R3HDM2: variants seen among roughly 807,000 people sequenced by gnomAD.
R3HDM2 encodes the protein R3H domain-containing protein 2.
Under a neutral mutation model 124.5 loss-of-function variants are expected in R3HDM2, and 38 were observed. The ratio of observed to expected loss-of-function variants is 0.31; its 90% CI spans 0.24 to 0.40. The LOEUF (loss-of-function observed/expected upper bound fraction) is 0.40, where lower values mean the gene tolerates loss of function less well. Ranked by LOEUF, R3HDM2 falls within the 10% of genes least tolerant of loss-of-function variation. The pLI is 1.00. For synonymous variants in R3HDM2, 391 were observed against 448.0 expected (o/e 0.87, Z 1.61); for missense variants, 869 against 1,236.9 (o/e 0.70, Z 4.46).
intron 15 of R3HDM2, 67 bp downstream of exon 15, chr12:57,269,685 A>G (rs1592507427): frequency 6.3e-7 from 1 of 1,599,098 alleles, no homozygotes; most frequent in Non-Finnish European, 8.5e-7. Flanking sequence ...AAACTGGAGG[A>G]ATAAAGAAAG....
rs566999872 is a variant in R3HDM2 at position 57,360,032 on chromosome 12, T to C, written c.-36+35717A>G. ...ATATATATATATATATACACACATA[T>C]ATATATATATATATATTTTTTTTTT... is the stretch of plus-strand genomic sequence containing the variant. On this transcript the variant is annotated intron_variant, in intron 2 of 23. Transcript: ENST00000402412. Among the ~76,000 whole-genome samples the C allele has an allele frequency of 2.6e-3, 186 of 72,900 alleles. 1 individual carries two copies. Among genetic ancestry groups the C allele is most frequent in the Middle Eastern group, 9.5e-3 (2 of 210 alleles). 47.8% of individuals were successfully genotyped at this position (72,900 alleles called of 152,430 possible).
At chr12:57,354,637 G>C (rs546562466) in intron 2 of R3HDM2, among the ~76,000 whole-genome samples, 33 of 151,978 alleles carry the variant, frequency 2.2e-4, no homozygotes, top group African/African-American at 7.7e-4. Context: ...TTCATGTGCT[G>C]ATTTTTCAAC....
At chr12:57,282,358 A>G (rs1282784107) in intron 13 of R3HDM2, among the ~76,000 whole-genome samples, 1 of 152,058 alleles carries the variant, frequency 6.6e-6, no homozygotes. Context: ...TGGAAATTAG[A>G]CAGCAATGGC....
intron 1 of R3HDM2, among the ~76,000 whole-genome samples, chr12:57,409,463 ATAAAG>A (rs1168827936): frequency 6.6e-6 from 1 of 151,472 alleles, no homozygotes; most frequent in Non-Finnish European, 1.5e-5. Context: ...TAACTAACTG[ATAAAG>A]TAGAGTGAAG....
intron 14 of R3HDM2, among the ~76,000 whole-genome samples, chr12:57,274,077 C>T (rs1381541943): frequency 2.6e-5 from 4 of 152,176 alleles, no homozygotes; most frequent in African/African-American, 9.7e-5. Flanking sequence ...GCTGCTTATA[C>T]TGGTGGCTTT....
intron 19 of R3HDM2, among the ~76,000 whole-genome samples, chr12:57,265,563 AAAAC>A (rs1229263725): frequency 6.6e-6 from 1 of 152,192 alleles, no homozygotes; most frequent in Non-Finnish European, 1.5e-5. Flanking sequence ...AGAAAAAAGA[AAAAC>A]AAAGAAAACT....
intron 12 of R3HDM2, among the ~76,000 whole-genome samples, chr12:57,286,944 A>G (rs569220970): frequency 6.6e-6 from 1 of 152,252 alleles, no homozygotes; most frequent in South Asian, 2.1e-4. Context: ...CCTTCAAGCT[A>G]TTATCTGCAC....
intron 1 of R3HDM2, among the ~76,000 whole-genome samples, chr12:57,414,569 G>A (rs2069381297): frequency 6.8e-6 from 1 of 146,962 alleles, no homozygotes; most frequent in Non-Finnish European, 1.5e-5. Flanking sequence ...GGTGTCTCAC[G>A]CCTATAATCC....
intron 2 of R3HDM2, among the ~76,000 whole-genome samples, chr12:57,342,366 C>G (rs1001765221): frequency 6.6e-6 from 1 of 151,990 alleles, no homozygotes; most frequent in Non-Finnish European, 1.5e-5. Flanking sequence ...GGAGCTCCAG[C>G]TAACTAACTG....
intron 11 of R3HDM2, among the ~76,000 whole-genome samples, chr12:57,289,403 G>A (rs1319132601): frequency 6.6e-6 from 1 of 152,168 alleles, no homozygotes; most frequent in Non-Finnish European, 1.5e-5. Context: ...GTCCTAAAGA[G>A]TGTGTTCAAA....
rs967057717 is a variant in R3HDM2 at position 57,412,771 on chromosome 12, C to T, written c.-105-16953G>A. On this transcript the variant is annotated intron_variant, in intron 1 of 23. Coordinates refer to ENST00000402412, the MANE Select transcript of R3HDM2 (RefSeq NM_001394031.1). ...CTGTAATCCCAGCACTTTGGGAGGC[C>T]GAGGCGGGCAGATCACAAGGTCAGG... is the stretch of plus-strand genomic sequence containing the variant. Among the ~76,000 whole-genome samples the T allele has an allele frequency of 6.6e-5, 10 of 151,522 alleles. No homozygotes were observed. The South Asian group carries it at 8.3e-4, about 13-fold the overall frequency.
intron 2 of R3HDM2, among the ~76,000 whole-genome samples, chr12:57,357,279 T>G (rs1020393889): frequency 2.0e-5 from 3 of 151,712 alleles, no homozygotes; most frequent in Non-Finnish European, 4.4e-5. Flanking sequence ...CTGGCCAACA[T>G]AGCAAAACCC....
chr12:57,298,272 G>C, intron 6 of R3HDM2, 104 bp from the exon 7 acceptor site: 2 of 898,182 alleles, frequency 2.2e-6, no homozygotes. Flanking sequence ...AAAAGAATAG[G>C]AAAGCAAAAT....
At chr12:57,410,305 G>C (rs2068889809) in intron 1 of R3HDM2, among the ~76,000 whole-genome samples, 1 of 138,074 alleles carries the variant, frequency 7.2e-6, no homozygotes, top group South Asian at 2.4e-4. Context: ...TTACCAGGGA[G>C]GTAGTATAAC....
intron 2 of R3HDM2, among the ~76,000 whole-genome samples, chr12:57,390,318 C>T (rs1391026227): frequency 6.6e-6 from 1 of 152,028 alleles, no homozygotes; most frequent in East Asian, 1.9e-4. Context: ...AGGCTTAATC[C>T]CTAAACAGTG....
chr12:57,348,794 G>A (rs2060347515), intron 2 of R3HDM2, among the ~76,000 whole-genome samples: 1 of 150,644 alleles, frequency 6.6e-6, no homozygotes, highest in Non-Finnish European at 1.5e-5. Context: ...AGGGCAGGAA[G>A]ATCACTTGAG....
chr12:57,269,617 T>C lies in R3HDM2; in HGVS notation c.1587+135A>G, dbSNP rs1308436065. The C allele has an allele frequency of 2.0e-6, 3 of 1,468,558 alleles. No homozygotes were observed. In the East Asian group the frequency reaches 6.8e-5, roughly 34 times the overall value. The allele number at this position is 1,468,558 out of a possible 1,614,324, so 91.0% of individuals were successfully genotyped here. A position where few individuals can be genotyped will look rare whatever the true frequency, so the allele number is the denominator to read the frequency against. On this transcript the variant is annotated intron_variant, in intron 15 of 23. Transcript: ENST00000402412. ...TTTATGTTATATAGAAAGAAGACTT[T>C]CTGGCTAGAACAACTCTCAAGTGCA...
Position 57,284,002 on chromosome 12 carries a change from G to A in R3HDM2, c.993C>T (p.Asp331=). 6.2e-7 allele frequency: 1 copy of A among 1,613,776 alleles called. No homozygotes were observed. ...GTGGCTCCAGGGATTTGAGTTCGCT[G>A]TCTGTGCTGCTCTGGCGGCTGCTTG... ...RTSSSRQSST[D]SELKSLEPRP... The change falls in exon 13 of 24, where the codon GAC becomes GAT. Residue 331 remains aspartate, a synonymous_variant. Coordinates refer to ENST00000402412, the MANE Select transcript of R3HDM2 (RefSeq NM_001394031.1).
chr12:57,349,806 T>A (rs1206143012), intron 2 of R3HDM2, among the ~76,000 whole-genome samples: 1 of 152,226 alleles, frequency 6.6e-6, no homozygotes, highest in South Asian at 2.1e-4. Flanking sequence ...GTGATCCACC[T>A]GCCTCAGCCC....
Sources: gnomAD v4.1 joint callset for allele counts (sites outside exome capture counted in the v4.1 genomes callset) on GRCh38, gnomAD v4.1.1 for gene constraint, MANE v1.5 for transcripts, NCBI Gene and HGNC (gene_info 2026-07-23, HGNC 2026-07-21) for gene names.